EYA2: variants seen among roughly 807,000 people sequenced by gnomAD.
EYA2 encodes the protein protein phosphatase EYA2.
A neutral mutation model predicts 69.2 loss-of-function variants in EYA2; 31 were observed. The observed-to-expected ratio is 0.45, with a 90% confidence interval of 0.34 to 0.60. The LOEUF is 0.60. EYA2 is among the 20% of genes least tolerant of loss of function. The pLI, the probability that EYA2 is intolerant of heterozygous loss-of-function variation, is 0.02. For missense variants in EYA2, 622 were observed against 701.2 expected, an observed-to-expected ratio of 0.89 and a Z score of 1.28; for synonymous variants, 257 against 279.4, an observed-to-expected ratio of 0.92 and a Z score of 0.80.
At chr20:46,898,792 G>A (rs368104882) in intron 1 of EYA2, among the ~76,000 whole-genome samples, 5 of 152,146 alleles carry the variant, frequency 3.3e-5, no homozygotes, top group South Asian at 2.1e-4. Context: ...TGTTCTTTAC[G>A]GCGTGTGATT....
chr20:47,060,081 G>T (rs1414958103), intron 5 of EYA2, among the ~76,000 whole-genome samples: 2 of 152,176 alleles, frequency 1.3e-5, no homozygotes, highest in African/African-American at 4.8e-5. Flanking sequence ...AAATCCAGAA[G>T]CCCTGGCTAC....
At chr20:47,128,799 A>G (rs2033262676) in intron 9 of EYA2, among the ~76,000 whole-genome samples, 1 of 152,170 alleles carries the variant, frequency 6.6e-6, no homozygotes, top group South Asian at 2.1e-4. Context: ...TAATGTACAC[A>G]AAGTTCACAC....
At chr20:47,107,120 G>A (rs913870372) in intron 9 of EYA2, among the ~76,000 whole-genome samples, 2 of 152,146 alleles carry the variant, frequency 1.3e-5, no homozygotes, top group Non-Finnish European at 2.9e-5. Flanking sequence ...CATGCCAGGT[G>A]TACTGTTCTA....
At chr20:46,924,422 G>GGCGTATACGTACA (rs1198118990) in intron 1 of EYA2, among the ~76,000 whole-genome samples, 7 of 152,284 alleles carry the variant, frequency 4.6e-5, no homozygotes, top group African/African-American at 1.7e-4. Flanking sequence ...TGTAATCCCA[G>GGCGTATACGTACA]CACTTTGGGA....
chr20:47,102,263 CTG>C (rs2032444062), intron 9 of EYA2, among the ~76,000 whole-genome samples: 1 of 152,216 alleles, frequency 6.6e-6, no homozygotes, highest in South Asian at 2.1e-4. Flanking sequence ...ATGCCAACCT[CTG>C]TAGCTCTGAT....
intron 3 of EYA2, among the ~76,000 whole-genome samples, chr20:47,003,296 A>T (rs928848577): frequency 6.6e-6 from 1 of 152,234 alleles, no homozygotes; most frequent in South Asian, 2.1e-4. Context: ...GGCTTATCAC[A>T]GTTGTGGTGG....
intron 9 of EYA2, among the ~76,000 whole-genome samples, chr20:47,102,311 G>T (rs2032445606): frequency 6.6e-6 from 1 of 152,152 alleles, no homozygotes; most frequent in Non-Finnish European, 1.5e-5. Context: ...CCTGGCATGG[G>T]AAAGGAGGGG....
At chr20:47,175,410 G>A (rs2034407152) in intron 12 of EYA2, among the ~76,000 whole-genome samples, 3 of 152,194 alleles carry the variant, frequency 2.0e-5, no homozygotes, top group Admixed American at 6.5e-5. Flanking sequence ...GTAGCTCTGA[G>A]CAGGTTATTT....
At chr20:47,166,701 T>C (rs570230378) in intron 10 of EYA2, among the ~76,000 whole-genome samples, 1 of 152,000 alleles carries the variant, frequency 6.6e-6, no homozygotes, top group Admixed American at 6.6e-5. Context: ...CAGTAGCCAC[T>C]GTGCACCCGA....
chr20:47,008,792 T>C (rs775777926), intron 4 of EYA2, among the ~76,000 whole-genome samples: 1 of 152,214 alleles, frequency 6.6e-6, no homozygotes, highest in Non-Finnish European at 1.5e-5. Flanking sequence ...CTCCCCTCCC[T>C]AAACCTCTGT....
chr20:47,129,577 A>G (rs2033284382), intron 9 of EYA2, among the ~76,000 whole-genome samples: 1 of 152,210 alleles, frequency 6.6e-6, no homozygotes, highest in Non-Finnish European at 1.5e-5. Context: ...TCAGAGGGCC[A>G]GGGGAAGCCA....
chr20:47,045,282 G>A (rs956342085), intron 5 of EYA2, among the ~76,000 whole-genome samples: 1 of 152,154 alleles, frequency 6.6e-6, no homozygotes, highest in African/African-American at 2.4e-5. Context: ...CTTCCACATG[G>A]ACTCTCTTCC....
intron 12 of EYA2, among the ~76,000 whole-genome samples, chr20:47,177,149 G>C (rs2034443579): frequency 6.6e-6 from 1 of 151,788 alleles, no homozygotes; most frequent in African/African-American, 2.4e-5. Context: ...GTCTCACTCT[G>C]TTTCTCAGGC....
chr20:46,928,920 C>T (rs1985535151), intron 1 of EYA2, among the ~76,000 whole-genome samples: 1 of 152,112 alleles, frequency 6.6e-6, no homozygotes, highest in South Asian at 2.1e-4. Flanking sequence ...AGCAAATTCT[C>T]CCCTCCAACA....
intron 1 of EYA2, among the ~76,000 whole-genome samples, chr20:46,929,828 TA>T (rs543248056): frequency 1.7e-3 from 246 of 145,048 alleles, no homozygotes; most frequent in East Asian, 3.4e-3. Context: ...CACTGTCTCT[TA>T]AAAAAAAAAA....
rs896451584 is a variant in EYA2 at position 47,033,198 on chromosome 20, A to G, written c.415+16901A>G. On this transcript the variant is annotated intron_variant, in intron 5 of 15. Transcript: ENST00000327619. The stretch of plus-strand genomic sequence containing the variant: ...TTTTTGATCGCTTAGGAGCAAGAGA[A>G]GAGAGCCAAGAGGAGGCAAATACCG... 4.6e-5 allele frequency among the ~76,000 whole-genome samples: 7 copies of G among 152,182 alleles called. 1 individual carries two copies. Among genetic ancestry groups the G allele is most frequent in the Admixed American group, 2.6e-4 (4 of 15,276 alleles).
chr20:47,060,797 T>C (rs1286466721), intron 5 of EYA2, among the ~76,000 whole-genome samples: 1 of 151,740 alleles, frequency 6.6e-6, no homozygotes, highest in Non-Finnish European at 1.5e-5. Flanking sequence ...GGACTCTTCA[T>C]GCACAGAAGT....
At chr20:47,175,905 G>A (rs1232173191) in intron 12 of EYA2, among the ~76,000 whole-genome samples, 4 of 152,178 alleles carry the variant, frequency 2.6e-5, no homozygotes. Flanking sequence ...GATGGGACAT[G>A]TAGCAGTAAG....
chr20:47,060,840 G>A (rs535684121), intron 5 of EYA2, among the ~76,000 whole-genome samples: 2 of 143,344 alleles, frequency 1.4e-5, no homozygotes, highest in Admixed American at 7.1e-5. Context: ...TTCATCAATC[G>A]CTCTCTCTCT....
Sources: allele counts gnomAD v4.1 joint callset (sites outside exome capture counted in the v4.1 genomes callset), GRCh38; gene constraint gnomAD v4.1.1; transcripts MANE v1.5; gene names NCBI Gene and HGNC (gene_info 2026-07-23, HGNC 2026-07-21).